The following BNIP3L variants were observed in gnomAD, a reference collection of about 807,000 sequenced individuals.
BNIP3L encodes the protein BCL2 interacting protein 3 like, also known as BCL2/adenovirus E1B 19 kDa protein-interacting protein 3-like.
BNIP3L carries 10 observed loss-of-function variants against 25.5 expected under a neutral mutation model. The observed-to-expected ratio is 0.39, with a 90% CI of 0.24 to 0.67. The LOEUF is 0.67. Among genes scored for constraint, BNIP3L ranks in the 30% least tolerant of loss-of-function variants. The pLI, the probability that BNIP3L is intolerant of heterozygous loss-of-function variation, is 0.45. For synonymous variants in BNIP3L, 113 were observed against 101.2 expected, an observed-to-expected ratio of 1.12 and a Z score of -0.70; for missense variants, 215 against 270.9, an observed-to-expected ratio of 0.79 and a Z score of 1.45.
chr8:26,394,213 G>A (rs927650375), intron 2 of BNIP3L, among the ~76,000 whole-genome samples: 2 of 152,028 alleles, frequency 1.3e-5, no homozygotes, highest in Non-Finnish European at 2.9e-5. Flanking sequence ...AGTGCAGTTT[G>A]TGATCATGTT....
intron 5 of BNIP3L, among the ~76,000 whole-genome samples, chr8:26,409,590 TG>T (rs1806575797): frequency 6.6e-6 from 1 of 152,112 alleles, no homozygotes; most frequent in Non-Finnish European, 1.5e-5. Flanking sequence ...GCGTGGGGGT[TG>T]ATGTGGGGCA....
chr8:26,401,166 C>A (rs1806361117), intron 3 of BNIP3L, among the ~76,000 whole-genome samples: 1 of 138,662 alleles, frequency 7.2e-6, no homozygotes, highest in African/African-American at 2.6e-5. Flanking sequence ...GGAACCAACC[C>A]AAATGTCCAA....
chr8:26,391,217 G>A (rs756421072), intron 1 of BNIP3L, 26 bp from the exon 2 acceptor site: 1 of 1,550,878 alleles, frequency 6.4e-7, no homozygotes, highest in African/African-American at 1.4e-5. Context: ...TTCTGCTGTG[G>A]TTAACTTATC....
At chr8:26,401,330 A>G (rs1416912306) in intron 3 of BNIP3L, among the ~76,000 whole-genome samples, 6 of 140,350 alleles carry the variant, frequency 4.3e-5, no homozygotes, top group Non-Finnish European at 9.2e-5. Context: ...AAAACCAAAC[A>G]CCGCATATTC....
At chr8:26,389,384 G>A (rs1436022785) in intron 1 of BNIP3L, among the ~76,000 whole-genome samples, 3 of 152,004 alleles carry the variant, frequency 2.0e-5, no homozygotes, top group African/African-American at 7.3e-5. Context: ...CACTCCAGAG[G>A]CACTCGAGAT....
chr8:26,410,137 G>A (rs1381843846), intron 5 of BNIP3L, among the ~76,000 whole-genome samples: 1 of 152,084 alleles, frequency 6.6e-6, no homozygotes, highest in African/African-American at 2.4e-5. Flanking sequence ...TTGCTGTCGA[G>A]CCCCGATATT....
At chr8:26,384,917 G>C (rs1439961131) in intron 1 of BNIP3L, among the ~76,000 whole-genome samples, 1 of 151,738 alleles carries the variant, frequency 6.6e-6, no homozygotes, top group African/African-American at 2.4e-5. Context: ...GATTACAGGC[G>C]CCCGACACCA....
Position 26,391,439 on chromosome 8 carries a change from C to T in BNIP3L, c.284+13C>T. ...CTCACTGTGACAGGTAAGTGAGACC[C>T]ATGTTTTGGTGGAATTCAGGAAACA... On this transcript the variant is annotated intron_variant, in intron 2 of 5. Transcript: ENST00000380629. The T allele has an allele frequency of 6.6e-7, 1 of 1,514,032 alleles. No homozygotes were observed. The highest frequency in any genetic ancestry group is 8.9e-7 in the Non-Finnish European group (1 of 1,126,872). The allele number at this position is 1,514,032 out of a possible 1,614,324, so 93.8% of individuals were successfully genotyped here.
chr8:26,400,557 T>A (rs956834115), intron 3 of BNIP3L, among the ~76,000 whole-genome samples: 2 of 140,578 alleles, frequency 1.4e-5, no homozygotes, highest in African/African-American at 2.7e-5. Flanking sequence ...AAGCCAAAAT[T>A]GACAAATGGG....
intron 1 of BNIP3L, among the ~76,000 whole-genome samples, chr8:26,384,120 T>C (rs565381905): frequency 6.1e-4 from 93 of 152,326 alleles, no homozygotes; most frequent in Non-Finnish European, 1.1e-3. Context: ...GTCCTCAGAT[T>C]GTTCCTAGTC....
At position 26,383,078 on chromosome 8, in the gene BNIP3L, C is replaced by G. The variant is rs541391620; in HGVS notation, c.-53C>G. 2.3e-5 allele frequency: 34 copies of G among 1,487,506 alleles called. 1 individual carries two copies. In the South Asian group the frequency reaches 2.4e-4, roughly 11 times the overall value. The allele number at this position is 1,487,506 out of a possible 1,614,324, so 92.1% of individuals were successfully genotyped here. Reference sequence around the variant, plus strand: ...CGGACTCGGCTTGTTGTGTTGCTGCCTGAGTGCCGGAGACGGTCCTGCTGC... The same window carrying G: ...CGGACTCGGCTTGTTGTGTTGCTGCGTGAGTGCCGGAGACGGTCCTGCTGC... On this transcript the variant is annotated 5_prime_UTR_variant, in exon 1 of 6. Coordinates refer to ENST00000380629, the MANE Select transcript of BNIP3L (RefSeq NM_004331.3).
At chr8:26,383,832 C>T (rs1805918843) in intron 1 of BNIP3L, among the ~76,000 whole-genome samples, 1 of 152,056 alleles carries the variant, frequency 6.6e-6, no homozygotes, top group South Asian at 2.1e-4. Context: ...GGGTGAGAGG[C>T]TGTGCCTTGC....
chr8:26,394,132 A>G (rs1381868222), intron 2 of BNIP3L, among the ~76,000 whole-genome samples: 3 of 152,180 alleles, frequency 2.0e-5, no homozygotes, highest in African/African-American at 7.2e-5. Context: ...AGTGACTTTC[A>G]GTTTTTATAC....
At chr8:26,406,721 T>C (rs1806506966) in intron 3 of BNIP3L, among the ~76,000 whole-genome samples, 13 of 151,436 alleles carry the variant, frequency 8.6e-5, no homozygotes, top group Admixed American at 8.6e-4. Context: ...ACTTGGGAGG[T>C]TGAGGTGGGA....
intron 3 of BNIP3L, among the ~76,000 whole-genome samples, chr8:26,403,992 G>A (rs1320689940): frequency 2.0e-5 from 3 of 152,156 alleles, no homozygotes; most frequent in Non-Finnish European, 4.4e-5. Context: ...TGTGGCCCTT[G>A]TTCTTTCTAC....
intron 3 of BNIP3L, among the ~76,000 whole-genome samples, chr8:26,400,003 A>G (rs895746711): frequency 2.6e-5 from 4 of 151,536 alleles, no homozygotes; most frequent in African/African-American, 9.8e-5. Flanking sequence ...GATAATTTAC[A>G]GATTCAGTGC....
At chr8:26,390,660 T>C in intron 1 of BNIP3L, 1 of 726,506 alleles carries the variant, frequency 1.4e-6, no homozygotes. Flanking sequence ...GCTGCATTAA[T>C]TTTATGCTCC....
At chr8:26,407,352 A>G (rs1806524629) in intron 3 of BNIP3L, among the ~76,000 whole-genome samples, 1 of 151,582 alleles carries the variant, frequency 6.6e-6, no homozygotes, top group South Asian at 2.1e-4. Context: ...CGCCCAGCTA[A>G]TTTTTTTGTA....
intron 2 of BNIP3L, among the ~76,000 whole-genome samples, chr8:26,394,685 C>T (rs1806192385): frequency 1.3e-5 from 2 of 152,202 alleles, no homozygotes; most frequent in Admixed American, 1.3e-4. Context: ...TGTGCTATCA[C>T]ACATCATGTA....
Sources: gnomAD v4.1 joint callset for allele counts (sites outside exome capture counted in the v4.1 genomes callset) on GRCh38, gnomAD v4.1.1 for gene constraint, MANE v1.5 for transcripts, NCBI Gene and HGNC (gene_info 2026-07-23, HGNC 2026-07-21) for gene names.